Variants in LINGO2 observed in about 807,000 individuals in gnomAD.
LINGO2 encodes leucine rich repeat and Ig domain containing 2.
A neutral mutation model predicts 30.6 loss-of-function variants in LINGO2; 14 were observed. The ratio of observed to expected loss-of-function variants is 0.46; its 90% CI spans 0.30 to 0.72. The LOEUF (loss-of-function observed/expected upper bound fraction) is 0.72. LINGO2 is among the 30% of genes least tolerant of loss of function. The probability of loss-of-function intolerance (pLI) is 0.07; values close to 1 mark genes in which losing one functional copy is unlikely to be tolerated. For missense variants in LINGO2, 729 were observed against 751.7 expected (o/e 0.97, Z 0.35); for synonymous variants, 317 against 288.5 (o/e 1.10, Z -1.00).
intron 4 of LINGO2, among the ~76,000 whole-genome samples, chr9:28,212,865 A>C (rs375233952): frequency 5.5e-4 from 84 of 151,550 alleles, no homozygotes; most frequent in African/African-American, 1.7e-3. Context: ...GATACATTTC[A>C]ATGAGAATGT....
chr9:27,950,551 C>T, exon 6 of LINGO2: 3 of 1,562,994 alleles, frequency 1.9e-6, no homozygotes, highest in Non-Finnish European at 2.6e-6. Context: ...TGACAGCTAA[C>T]AGATTTGTTC....
At chr9:28,860,317 C>T in the LINGO2 span, among the ~76,000 whole-genome samples, 3 of 151,986 alleles carry the variant, frequency 2.0e-5, no homozygotes, top group Admixed American at 1.3e-4. Context: ...AAAATTGGTA[C>T]CCTTTGAAAT....
At chr9:27,947,131 C>T (rs937346198), downstream of LINGO2, among the ~76,000 whole-genome samples, 3 of 152,114 alleles carry the variant, frequency 2.0e-5, no homozygotes, top group African/African-American at 7.2e-5. Flanking sequence ...ATAGATATTT[C>T]CTATCAGTTC....
chr9:28,155,858 A>G (rs559357389), intron 4 of LINGO2, among the ~76,000 whole-genome samples: 2 of 152,324 alleles, frequency 1.3e-5, no homozygotes, highest in East Asian at 3.9e-4. Context: ...CCATGTGAGG[A>G]CATGGCAAGA....
At chr9:28,390,902 T>C (rs1438179054) in intron 2 of LINGO2, among the ~76,000 whole-genome samples, 3 of 152,216 alleles carry the variant, frequency 2.0e-5, no homozygotes, top group Non-Finnish European at 4.4e-5. Context: ...TCTTTTATTC[T>C]TCTATCTTAG....
intron 4 of LINGO2, among the ~76,000 whole-genome samples, chr9:28,039,747 A>T (rs1409749215): frequency 1.3e-5 from 2 of 152,184 alleles, no homozygotes; most frequent in Non-Finnish European, 2.9e-5. Flanking sequence ...GGCACAAAAG[A>T]TTAGTCTTTA....
intron 5 of LINGO2, among the ~76,000 whole-genome samples, chr9:27,995,173 T>TAC (rs1387619230): frequency 6.6e-6 from 1 of 152,072 alleles, no homozygotes; most frequent in African/African-American, 2.4e-5. Flanking sequence ...ACATGCACCC[T>TAC]ACCAAGATTG....
chr9:28,810,981 G>T, the LINGO2 span, among the ~76,000 whole-genome samples: 1 of 151,970 alleles, frequency 6.6e-6, no homozygotes, highest in African/African-American at 2.4e-5. Context: ...TTTTATTTTT[G>T]ACCACTATAG....
rs68142692 is a variant in LINGO2 at position 28,408,774 on chromosome 9, CAA to C, written c.-278-35908_-278-35907del. ...CCCTTAAACTTAAAGTATAAAAAAA[CAA>C]AAAAAAAAAAACAAAAAAAAACAAA... On this transcript the variant is annotated intron_variant, in intron 2 of 5. Coordinates refer to ENST00000379992, the Ensembl canonical transcript of LINGO2. Among the ~76,000 whole-genome samples the C allele has an allele frequency of 2.4e-3, 303 of 127,474 alleles. 1 individual carries two copies. The highest frequency in any genetic ancestry group is 3.6e-3 in the Non-Finnish European group (226 of 63,048). 83.6% of individuals were successfully genotyped at this position (127,474 alleles called of 152,430 possible). A position where few individuals can be genotyped will look rare whatever the true frequency, so the allele number is the denominator to read the frequency against.
intron 1 of LINGO2, among the ~76,000 whole-genome samples, chr9:28,609,931 C>T (rs1047684360): frequency 2.0e-5 from 3 of 152,094 alleles, no homozygotes; most frequent in African/African-American, 7.2e-5. Context: ...TTATATCCAT[C>T]TACTTGTCAT....
chr9:28,025,041 G>A (rs899264595), intron 4 of LINGO2, among the ~76,000 whole-genome samples: 3 of 152,188 alleles, frequency 2.0e-5, no homozygotes, highest in African/African-American at 4.8e-5. Context: ...CATAATGTGA[G>A]GATTTCTTTC....
At chr9:28,350,852 A>G (rs989117431) in intron 3 of LINGO2, among the ~76,000 whole-genome samples, 5 of 151,936 alleles carry the variant, frequency 3.3e-5, no homozygotes, top group African/African-American at 7.3e-5. Flanking sequence ...ATCTCACTCA[A>G]AACCGCTCAA....
the LINGO2 span, among the ~76,000 whole-genome samples, chr9:28,979,699 A>G: frequency 2.7e-5 from 4 of 149,152 alleles, no homozygotes; most frequent in Non-Finnish European, 6.0e-5. Context: ...CATTGATGCT[A>G]CAAAGTAAAA....
At chr9:28,255,408 G>A (rs1293137934) in intron 4 of LINGO2, among the ~76,000 whole-genome samples, 1 of 152,024 alleles carries the variant, frequency 6.6e-6, no homozygotes, top group Non-Finnish European at 1.5e-5. Flanking sequence ...AGTCAGACTT[G>A]CTAGGCTTGA....
chr9:28,047,424 T>C (rs1220392839), intron 4 of LINGO2, among the ~76,000 whole-genome samples: 3 of 141,394 alleles, frequency 2.1e-5, no homozygotes, highest in Non-Finnish European at 4.6e-5. Context: ...TCCACTTCTT[T>C]TCCAGTTGAA....
intron 1 of LINGO2, among the ~76,000 whole-genome samples, chr9:28,648,585 T>C (rs1588022473): frequency 6.6e-6 from 1 of 152,134 alleles, no homozygotes; most frequent in Non-Finnish European, 1.5e-5. Context: ...AATTATTCTC[T>C]AAAATATTAT....
At chr9:29,057,643 G>A in the LINGO2 span, among the ~76,000 whole-genome samples, 2 of 152,106 alleles carry the variant, frequency 1.3e-5, no homozygotes, top group Admixed American at 6.6e-5. Context: ...AGAGAAGGGT[G>A]CTGTGCAGAG....
chr9:29,058,215 C>A, the LINGO2 span, among the ~76,000 whole-genome samples: 1 of 151,694 alleles, frequency 6.6e-6, no homozygotes, highest in African/African-American at 2.4e-5. Flanking sequence ...AACACAGAAA[C>A]AAAATAGAGA....
At chr9:28,880,110 C>CT in the LINGO2 span, among the ~76,000 whole-genome samples, 4 of 152,088 alleles carry the variant, frequency 2.6e-5, no homozygotes, top group African/African-American at 9.7e-5. Context: ...GAAGAATATT[C>CT]TTTTTTTCTC....
Sources: allele counts gnomAD v4.1 joint callset (sites outside exome capture counted in the v4.1 genomes callset), GRCh38; gene constraint gnomAD v4.1.1; transcripts MANE v1.5; gene names NCBI Gene and HGNC (gene_info 2026-07-23, HGNC 2026-07-21).